Variants in UGGT1 observed in about 807,000 individuals in gnomAD.
The protein encoded by UGGT1 is UDP-glucose:glycoprotein glucosyltransferase 1.
Under a neutral mutation model 203.9 loss-of-function variants are expected in UGGT1, and 107 were observed. The observed-to-expected ratio is 0.52, with a 90% CI of 0.45 to 0.62. The LOEUF is 0.62. Among genes scored for constraint, UGGT1 ranks in the 20% least tolerant of loss-of-function variants. UGGT1 has a pLI of 0.00. For missense variants in UGGT1, 1,673 were observed against 1,867.2 expected, an observed-to-expected ratio of 0.90 and a Z score of 1.92; for synonymous variants, 628 against 653.5, an observed-to-expected ratio of 0.96 and a Z score of 0.59.
At chr2:128,129,737 T>G (rs939734842) in intron 13 of UGGT1, among the ~76,000 whole-genome samples, 1 of 152,266 alleles carries the variant, frequency 6.6e-6, no homozygotes, top group Non-Finnish European at 1.5e-5. Context: ...GCCCCTGGTA[T>G]TCAGCTGAGC....
chr2:128,112,641 G>A (rs192277279), intron 5 of UGGT1, among the ~76,000 whole-genome samples: 44 of 148,684 alleles, frequency 3.0e-4, no homozygotes, highest in Admixed American at 2.2e-3. Context: ...GGAGTCCAGT[G>A]GAATGATCAT....
At chr2:128,159,493 C>A in intron 22 of UGGT1, 21 bp from the exon 23 acceptor site, 1 of 1,607,838 alleles carries the variant, frequency 6.2e-7, no homozygotes, top group Non-Finnish European at 8.5e-7. Flanking sequence ...ATATGACTCC[C>A]GTTTCCCATT....
chr2:128,188,744 G>A lies in UGGT1; in HGVS notation c.4643-973G>A, dbSNP rs575578082. 4.0e-4 allele frequency among the ~76,000 whole-genome samples: 61 copies of A among 152,304 alleles called. 1 individual carries two copies. The highest frequency in any genetic ancestry group is 1.4e-3 in the African/African-American group (58 of 41,562). On this transcript the variant is annotated intron_variant, in intron 40 of 40. Coordinates refer to ENST00000259253, the MANE Select transcript of UGGT1 (RefSeq NM_020120.4). The stretch of plus-strand genomic sequence containing the variant: ...AGGATTGCTTGAGCCTGGAGGTCAA[G>A]GTTGCAGTGAGCGACTGCACTCCAG...
chr2:128,104,246 G>C (rs1276054562), intron 3 of UGGT1, among the ~76,000 whole-genome samples: 1 of 151,958 alleles, frequency 6.6e-6, no homozygotes, highest in Non-Finnish European at 1.5e-5. Context: ...TCTTGTTTTT[G>C]TTCTATCGTG....
At chr2:128,187,278 T>C in intron 39 of UGGT1, 171 bp from the exon 40 acceptor site, 1 of 602,192 alleles carries the variant, frequency 1.7e-6, no homozygotes, top group South Asian at 3.7e-5. Context: ...TCTTTGTAGA[T>C]GTAAATACAG....
intron 5 of UGGT1, among the ~76,000 whole-genome samples, chr2:128,111,181 A>G (rs1318787775): frequency 1.3e-5 from 2 of 152,122 alleles, no homozygotes; most frequent in African/African-American, 4.8e-5. Context: ...AGTGAGACCC[A>G]GTTTCTCCAA....
chr2:128,156,717 G>A (rs1166187217), intron 21 of UGGT1, among the ~76,000 whole-genome samples: 2 of 151,860 alleles, frequency 1.3e-5, no homozygotes, highest in Non-Finnish European at 2.9e-5. Context: ...ACAGGCACCC[G>A]CCACCACGTC....
At chr2:128,132,101 A>G (rs1688907438) in intron 13 of UGGT1, among the ~76,000 whole-genome samples, 1 of 151,908 alleles carries the variant, frequency 6.6e-6, no homozygotes, top group Non-Finnish European at 1.5e-5. Flanking sequence ...CGAGTATGAA[A>G]TTTCATTGAG....
At chr2:128,134,054 G>T (rs539886154) in intron 14 of UGGT1, among the ~76,000 whole-genome samples, 1 of 151,246 alleles carries the variant, frequency 6.6e-6, no homozygotes, top group East Asian at 1.9e-4. Flanking sequence ...CCCCACTCCC[G>T]CAGAAAGAGT....
chr2:128,105,539 G>C (rs940476568), intron 3 of UGGT1, among the ~76,000 whole-genome samples: 1 of 148,458 alleles, frequency 6.7e-6, no homozygotes, highest in African/African-American at 2.5e-5. Context: ...TTTCGAGACA[G>C]AGTCTTACTC....
At chr2:128,145,479 G>A (rs1465626263) in intron 17 of UGGT1, among the ~76,000 whole-genome samples, 1 of 145,208 alleles carries the variant, frequency 6.9e-6, no homozygotes. Context: ...AGTTTTGACA[G>A]CCTGTGCTAC....
chr2:128,107,271 A>C (rs1488869715), intron 3 of UGGT1, among the ~76,000 whole-genome samples: 1 of 151,866 alleles, frequency 6.6e-6, no homozygotes, highest in Non-Finnish European at 1.5e-5. Context: ...GGATTTTTTC[A>C]CATTCGTATT....
chr2:128,155,878 C>T (rs899443243), intron 20 of UGGT1, among the ~76,000 whole-genome samples: 2 of 152,076 alleles, frequency 1.3e-5, no homozygotes, highest in African/African-American at 4.8e-5. Flanking sequence ...AATGGAAAAA[C>T]ATTTGTGATG....
chr2:128,111,178 C>T (rs938195303), intron 5 of UGGT1, among the ~76,000 whole-genome samples: 5 of 152,062 alleles, frequency 3.3e-5, no homozygotes, highest in African/African-American at 4.8e-5. Flanking sequence ...CAAAGTGAGA[C>T]CCAGTTTCTC....
Position 128,177,917 on chromosome 2 carries a change from A to C in UGGT1, c.3710A>C (p.Lys1237Thr). 1 of 1,597,470 alleles carries C rather than the reference A, an allele frequency of 6.3e-7. No homozygotes were observed. Among genetic ancestry groups the C allele is most frequent in the South Asian group, 1.1e-5 (1 of 88,280 alleles). Residue 1237 changes from lysine to threonine, a missense_variant, in exon 33 of 41, where the codon AAA becomes ACA. Around this residue, in one of 4 missense-constraint regions of UGGT1, gnomAD observed 513 missense variants for 684.1 expected, o/e 0.75. Transcript: ENST00000259253. ...ENESGFWDSF[K>T]WGFTGQKTEE... Reference sequence around the variant, plus strand: ...GAATCTGGATTTTGGGATTCCTTCAAATGGTAAGTTGACATTGTAAGAGTT... The same window carrying C: ...GAATCTGGATTTTGGGATTCCTTCACATGGTAAGTTGACATTGTAAGAGTT...
At position 128,190,235 on chromosome 2, in the gene UGGT1, CT is replaced by C. The variant is rs1692190972; in HGVS notation, c.*495del. The C allele has an allele frequency of 6.5e-6, 1 of 154,004 alleles. No individual in the cohort carries two copies. Among genetic ancestry groups the C allele is most frequent in the African/African-American group, 2.4e-5 (1 of 41,492 alleles). The allele number at this position is 154,004 out of a possible 1,614,324, so 9.5% of individuals were successfully genotyped here. Reference sequence around the variant, plus strand: ...ACACCTCCAGGTTTACGCCAACATCCTTGTGCCCTCCCCACCTTCTCTTCCA... The same window carrying C: ...ACACCTCCAGGTTTACGCCAACATCCTGTGCCCTCCCCACCTTCTCTTCCA... On this transcript the variant is annotated 3_prime_UTR_variant, in exon 41 of 41. Coordinates refer to ENST00000259253, the MANE Select transcript of UGGT1 (RefSeq NM_020120.4).
chr2:128,171,102 G>A (rs549405789), intron 27 of UGGT1, 103 bp from the exon 28 acceptor site: 4 of 1,079,906 alleles, frequency 3.7e-6, no homozygotes, highest in South Asian at 1.6e-5. Flanking sequence ...CTCTGTGGCT[G>A]TTATCTTTAT....
At chr2:128,180,003 T>G (rs528366258) in intron 35 of UGGT1, 133 bp downstream of exon 35, 1 of 726,378 alleles carries the variant, frequency 1.4e-6, no homozygotes, top group African/African-American at 1.8e-5. Context: ...GGTTGCATAT[T>G]TTTATTTTGA....
intron 39 of UGGT1, 82 bp downstream of exon 39, chr2:128,186,881 C>A (rs1692008096): frequency 9.2e-7 from 1 of 1,088,484 alleles, no homozygotes; most frequent in Non-Finnish European, 1.3e-6. Flanking sequence ...TATTTAGATT[C>A]TTAAATTTAA....
Sources: allele counts gnomAD v4.1 joint callset (sites outside exome capture counted in the v4.1 genomes callset), GRCh38; gene constraint gnomAD v4.1.1; regional missense constraint gnomAD v4.1.1; transcripts MANE v1.5; gene names NCBI Gene and HGNC (gene_info 2026-07-23, HGNC 2026-07-21).